Variants in STAU2 observed in about 807,000 individuals in gnomAD.
STAU2 encodes the protein double-stranded RNA-binding protein Staufen homolog 2.
STAU2 carries 20 observed loss-of-function variants against 65.9 expected under a neutral mutation model. That is an observed-to-expected ratio of 0.30 (90% CI 0.21 to 0.44). The LOEUF is 0.44. STAU2 is among the 20% of genes least tolerant of loss of function. The pLI is 1.00. For synonymous variants in STAU2, 232 were observed against 233.9 expected, an observed-to-expected ratio of 0.99 and a Z score of 0.07; for missense variants, 558 against 683.9, an observed-to-expected ratio of 0.82 and a Z score of 2.05.
At chr8:73,728,701 C>A (rs1047146344) in intron 3 of STAU2, among the ~76,000 whole-genome samples, 1 of 152,146 alleles carries the variant, frequency 6.6e-6, no homozygotes, top group Non-Finnish European at 1.5e-5. Flanking sequence ...TAAATGCAAT[C>A]TTTTAAAATT....
At chr8:73,485,308 A>G (rs1464517910) in intron 13 of STAU2, among the ~76,000 whole-genome samples, 1 of 151,938 alleles carries the variant, frequency 6.6e-6, no homozygotes, top group Non-Finnish European at 1.5e-5. Context: ...CTTCCAGAGT[A>G]GCTAAATTAT....
At chr8:73,653,286 C>G (rs1314647012) in intron 6 of STAU2, 3 of 152,108 alleles carry the variant, frequency 2.0e-5, no homozygotes, top group African/African-American at 7.2e-5. Flanking sequence ...GATAATGAGT[C>G]AACAGCAAGG....
At chr8:73,680,667 A>T (rs1410131683) in intron 5 of STAU2, among the ~76,000 whole-genome samples, 1 of 152,118 alleles carries the variant, frequency 6.6e-6, no homozygotes, top group African/African-American at 2.4e-5. Flanking sequence ...TAAGCAGCTC[A>T]AGGAGGCACT....
At chr8:73,522,099 C>A (rs1272381477) in intron 13 of STAU2, among the ~76,000 whole-genome samples, 2 of 152,128 alleles carry the variant, frequency 1.3e-5, no homozygotes, top group Non-Finnish European at 2.9e-5. Context: ...TTTTACTAAG[C>A]TACATCTACT....
At chr8:73,581,160 A>G (rs1809948307) in intron 12 of STAU2, among the ~76,000 whole-genome samples, 1 of 152,126 alleles carries the variant, frequency 6.6e-6, no homozygotes, top group South Asian at 2.1e-4. Flanking sequence ...AAAAACAAAC[A>G]CATAAAGCTA....
At chr8:73,616,181 C>T (rs994699462) in intron 7 of STAU2, among the ~76,000 whole-genome samples, 2 of 152,084 alleles carry the variant, frequency 1.3e-5, no homozygotes, top group African/African-American at 4.8e-5. Flanking sequence ...GTACAGGATG[C>T]AAACCAGGAG....
chr8:73,658,913 A>T (rs1220147481), intron 6 of STAU2, among the ~76,000 whole-genome samples: 3 of 139,342 alleles, frequency 2.2e-5, no homozygotes, highest in Admixed American at 7.5e-5. Flanking sequence ...ACTCCGTCTC[A>T]AAAAACAACA....
intron 12 of STAU2, among the ~76,000 whole-genome samples, chr8:73,575,790 C>A (rs142432312): frequency 2.2e-5 from 3 of 136,034 alleles, no homozygotes; most frequent in African/African-American, 8.4e-5. Flanking sequence ...GTATATAAAT[C>A]ATATATATAA....
chr8:73,632,546 C>A (rs188512986), intron 6 of STAU2, among the ~76,000 whole-genome samples: 1 of 152,244 alleles, frequency 6.6e-6, no homozygotes, highest in African/African-American at 2.4e-5. Flanking sequence ...ACCATATAAT[C>A]CTATTTGCAG....
intron 6 of STAU2, among the ~76,000 whole-genome samples, chr8:73,646,675 G>A (rs1000723835): frequency 6.6e-6 from 1 of 152,000 alleles, no homozygotes; most frequent in South Asian, 2.1e-4. Flanking sequence ...AGGAGATTTA[G>A]ACTTGATACC....
intron 6 of STAU2, among the ~76,000 whole-genome samples, chr8:73,627,499 T>C (rs1813775208): frequency 6.6e-6 from 1 of 152,138 alleles, no homozygotes; most frequent in Non-Finnish European, 1.5e-5. Context: ...ATCAACTTTG[T>C]ACTCATCTGC....
chr8:73,458,340 G>A (rs752515868), intron 13 of STAU2, among the ~76,000 whole-genome samples: 32 of 152,264 alleles, frequency 2.1e-4, no homozygotes, highest in Middle Eastern at 3.4e-3. Flanking sequence ...AGAAATCCAG[G>A]AATCGTACTC....
intron 12 of STAU2, among the ~76,000 whole-genome samples, chr8:73,578,422 A>G (rs1809737931): frequency 6.6e-6 from 1 of 152,188 alleles, no homozygotes; most frequent in Admixed American, 6.5e-5. Flanking sequence ...ATTCTTGTCA[A>G]TGTAATTTTT....
At chr8:73,562,486 T>G (rs967554609) in intron 12 of STAU2, among the ~76,000 whole-genome samples, 2 of 151,406 alleles carry the variant, frequency 1.3e-5, no homozygotes, top group Non-Finnish European at 2.9e-5. Flanking sequence ...TTAAAAAAGA[T>G]AGAGAGAGAG....
chr8:73,656,952 G>A (rs1313957414), intron 6 of STAU2, among the ~76,000 whole-genome samples: 2 of 152,198 alleles, frequency 1.3e-5, no homozygotes, highest in African/African-American at 2.4e-5. Context: ...AGACAAAGCA[G>A]AGTTCAAGCA....
intron 13 of STAU2, among the ~76,000 whole-genome samples, chr8:73,448,625 TC>T (rs1280108477): frequency 2.0e-5 from 3 of 152,200 alleles, no homozygotes; most frequent in Non-Finnish European, 2.9e-5. Flanking sequence ...ACTGATGTGT[TC>T]CTGAGCTCAC....
At chr8:73,484,233 T>G (rs1332371117) in intron 13 of STAU2, among the ~76,000 whole-genome samples, 1 of 152,122 alleles carries the variant, frequency 6.6e-6, no homozygotes, top group Admixed American at 6.5e-5. Flanking sequence ...TGTCAAAAAT[T>G]TGATATTTAT....
intron 13 of STAU2, among the ~76,000 whole-genome samples, chr8:73,547,956 G>C (rs1807055192): frequency 6.6e-6 from 1 of 151,848 alleles, no homozygotes; most frequent in Non-Finnish European, 1.5e-5. Flanking sequence ...TATTTATATA[G>C]CATTTACATT....
intron 1 of STAU2, among the ~76,000 whole-genome samples, chr8:73,746,548 C>G (rs1243633066): frequency 6.6e-6 from 1 of 151,970 alleles, no homozygotes; most frequent in Admixed American, 6.6e-5. Context: ...ACGCACCCCC[C>G]ACCCCAATTC....
Sources: gnomAD v4.1 joint callset for allele counts (sites outside exome capture counted in the v4.1 genomes callset) on GRCh38, gnomAD v4.1.1 for gene constraint, MANE v1.5 for transcripts, NCBI Gene and HGNC (gene_info 2026-07-23, HGNC 2026-07-21) for gene names.